Variants in PDLIM3 observed in about 807,000 individuals in gnomAD.
The protein encoded by PDLIM3 is PDZ and LIM domain protein 3.
In PDLIM3, 36 loss-of-function variants were observed where a neutral mutation model predicts 37.3. The ratio of observed to expected loss-of-function variants is 0.97; its 90% CI spans 0.74 to 1.28. The LOEUF is 1.28. Ranked by LOEUF, PDLIM3 falls within the 50% of genes most tolerant of loss-of-function variation. The probability of loss-of-function intolerance (pLI) is 0.00; values close to 1 mark genes in which losing one functional copy is unlikely to be tolerated. For missense variants in PDLIM3, 454 were observed against 485.0 expected (o/e 0.94, Z 0.60); for synonymous variants, 174 against 182.4 (o/e 0.95, Z 0.37).
At chr4:185,513,499 T>G in intron 4 of PDLIM3, 4 of 969,632 alleles carry the variant, frequency 4.1e-6, no homozygotes, top group South Asian at 4.8e-5. Context: ...AAATGTTCTG[T>G]CTAAAGGCAC....
At chr4:185,518,064 A>G (rs1329904985) in intron 3 of PDLIM3, among the ~76,000 whole-genome samples, 1 of 152,242 alleles carries the variant, frequency 6.6e-6, no homozygotes. Context: ...TTCTATCTAG[A>G]AAAAACCACC....
chr4:185,509,808 C>T (rs1016378788), intron 4 of PDLIM3, among the ~76,000 whole-genome samples: 3 of 152,190 alleles, frequency 2.0e-5, no homozygotes, highest in African/African-American at 7.2e-5. Context: ...ATGCTAACTT[C>T]AGCCCATATA....
chr4:185,530,589 T>C (rs564189839), intron 1 of PDLIM3, among the ~76,000 whole-genome samples: 3 of 152,194 alleles, frequency 2.0e-5, no homozygotes, highest in Non-Finnish European at 4.4e-5. Context: ...CCCTGTACAC[T>C]AGCCTCCCCT....
At chr4:185,532,855 G>A (rs1250768593) in intron 1 of PDLIM3, among the ~76,000 whole-genome samples, 1 of 152,198 alleles carries the variant, frequency 6.6e-6, no homozygotes, top group Non-Finnish European at 1.5e-5. Context: ...AGGAAATCTT[G>A]AAGAGGGACA....
intron 4 of PDLIM3, chr4:185,513,413 A>G (rs761618182): frequency 1.3e-5 from 12 of 947,812 alleles, no homozygotes; most frequent in Non-Finnish European, 1.5e-5. Context: ...AGGGGCCAGG[A>G]GGTCACACAT....
In PDLIM3 at chr4:185,501,883, G is replaced by A. The variant is rs1328637528; in HGVS notation, c.*411C>T. On this transcript the variant is annotated 3_prime_UTR_variant, in exon 8 of 8. Transcript: ENST00000284767. ...ATAGTTAAAACACATACAGACAACTGCAGATTATGTTAGAATACAAGATTG... is the reference window on the plus strand; with the variant it reads ...ATAGTTAAAACACATACAGACAACTACAGATTATGTTAGAATACAAGATTG... The A allele has an allele frequency of 6.9e-6, 2 of 289,434 alleles. No individual in the cohort carries two copies. The highest frequency in any genetic ancestry group is 6.7e-6 in the Non-Finnish European group (1 of 149,044). The allele number at this position is 289,434 out of a possible 1,614,324, so 17.9% of individuals were successfully genotyped here. A position where few individuals can be genotyped will look rare whatever the true frequency, so the allele number is the denominator to read the frequency against.
At chr4:185,531,660 G>T (rs989282209) in intron 1 of PDLIM3, among the ~76,000 whole-genome samples, 3 of 152,156 alleles carry the variant, frequency 2.0e-5, no homozygotes, top group East Asian at 1.9e-4. Flanking sequence ...GTGAGGCGGG[G>T]AGTGAAGGGT....
Position 185,514,755 on chromosome 4 carries a change from G to C in PDLIM3, c.331-418C>G. The C allele has an allele frequency of 1.9e-6, 3 of 1,552,110 alleles. No individual in the cohort carries two copies. The highest frequency in any genetic ancestry group is 2.6e-6 in the Non-Finnish European group (3 of 1,147,062). On this transcript the variant is annotated intron_variant, in intron 3 of 7. Coordinates refer to ENST00000284767, the MANE Select transcript of PDLIM3 (RefSeq NM_014476.6). This position sits in a 1 kb window ranked among gnomAD's most constrained non-coding sequence, Gnocchi z 4.0. ...CGCAGCTGTCCGTGAAGCGCATCTT[G>C]TATATTGCTAGTTGAATAGAGCCCA...
chr4:185,523,483 A>G (rs1354729015), intron 2 of PDLIM3, 37 bp from the exon 3 acceptor site: 2 of 1,278,544 alleles, frequency 1.6e-6, no homozygotes, highest in African/African-American at 2.9e-5. Context: ...TTCAAATTCT[A>G]ATGGTACTTT....
At chr4:185,515,690 CA>C (rs998786800) in intron 3 of PDLIM3, 1 of 152,050 alleles carries the variant, frequency 6.6e-6, no homozygotes, top group African/African-American at 2.4e-5. Flanking sequence ...GACCAAACAG[CA>C]GAGTCCTCAA....
chr4:185,513,479 T>A (rs1366153117), intron 4 of PDLIM3: 1 of 955,084 alleles, frequency 1.0e-6, no homozygotes, highest in Admixed American at 6.2e-5. Context: ...TTTGACAAGA[T>A]GGTGAGTTTA....
At chr4:185,524,970 G>T (rs1334822659) in intron 2 of PDLIM3, 50 bp downstream of exon 2, 2 of 1,588,874 alleles carry the variant, frequency 1.3e-6, no homozygotes, top group South Asian at 1.1e-5. Context: ...TTCTGGTTCA[G>T]GTTCTCCTGC....
intron 3 of PDLIM3, chr4:185,516,273 A>T (rs1165211793): frequency 6.6e-6 from 1 of 152,210 alleles, no homozygotes; most frequent in Non-Finnish European, 1.5e-5. Flanking sequence ...CATTCACATC[A>T]ACTTCATTTA....
chr4:185,521,484 C>T (rs193279828), intron 3 of PDLIM3, among the ~76,000 whole-genome samples: 1,155 of 61,306 alleles, frequency 0.019, 460 homozygotes, highest in Middle Eastern at 0.14. Context: ...GCAGCCTCGA[C>T]ATCCTGGGCT....
chr4:185,535,254 C>T lies in PDLIM3; in HGVS notation c.93+88G>A, dbSNP rs1000523172. Reference sequence around the variant, plus strand: ...CGCCCGCCCTCGCGCGCTTTCTGGCCGCCCTCGGCCCCGGGGCATCCACTG... The same window carrying T: ...CGCCCGCCCTCGCGCGCTTTCTGGCTGCCCTCGGCCCCGGGGCATCCACTG... On this transcript the variant is annotated intron_variant, in intron 1 of 7. Coordinates refer to ENST00000284767, the MANE Select transcript of PDLIM3 (RefSeq NM_014476.6). 4.9e-6 allele frequency: 6 copies of T among 1,236,202 alleles called. No homozygotes were observed. In the African/African-American group the frequency reaches 7.9e-5, roughly 16 times the overall value. 76.6% of individuals were successfully genotyped at this position (1,236,202 alleles called of 1,614,324 possible). A position where few individuals can be genotyped will look rare whatever the true frequency, so the allele number is the denominator to read the frequency against.
Position 185,508,676 on chromosome 4 carries a change from G to C in PDLIM3, c.399-114C>G, listed in dbSNP as rs2095701962. 3 of 1,003,904 alleles carry C rather than the reference G, an allele frequency of 3.0e-6. No individual in the cohort carries two copies. The African/African-American group carries it at 4.7e-5, about 16-fold the overall frequency. 62.2% of individuals were successfully genotyped at this position (1,003,904 alleles called of 1,614,324 possible). On this transcript the variant is annotated intron_variant, in intron 4 of 7. Transcript: ENST00000284767. ...TAAAAGGAATTGAAGACAAAAGTGA[G>C]AGGTGAATTACATCAAAATAAAACC...
intron 4 of PDLIM3, chr4:185,513,383 TC>T (rs1178933477): frequency 8.1e-6 from 8 of 982,360 alleles, no homozygotes; most frequent in Non-Finnish European, 9.7e-6. Context: ...ATGACAGGAG[TC>T]ATAAGCTCGG....
rs1325654480 is a variant in PDLIM3, at chr4:185,514,652, C to T, written c.331-315G>A. On this transcript the variant is annotated intron_variant, in intron 3 of 7. Transcript: ENST00000284767. The surrounding 1 kb of genome is among the most constrained non-coding windows in gnomAD (Gnocchi z 4.0). ...CTGGACTTTTGAAAAGAAAAGAAAC[C>T]ATGCTATCACTGTTAGGTACACTGT... is the stretch of plus-strand genomic sequence containing the variant. 6 of 1,465,386 alleles carry T rather than the reference C, an allele frequency of 4.1e-6. No homozygotes were observed. The highest frequency in any genetic ancestry group is 5.1e-5 in the Admixed American group (2 of 39,108). 90.8% of individuals were successfully genotyped at this position (1,465,386 alleles called of 1,614,324 possible). A position where few individuals can be genotyped will look rare whatever the true frequency, so the allele number is the denominator to read the frequency against.
At chr4:185,533,257 A>T (rs1410013059) in intron 1 of PDLIM3, among the ~76,000 whole-genome samples, 1 of 152,180 alleles carries the variant, frequency 6.6e-6, no homozygotes, top group Non-Finnish European at 1.5e-5. Context: ...TTAAAATGTT[A>T]AAAGCAGTAC....
Sources: allele counts gnomAD v4.1 joint callset (sites outside exome capture counted in the v4.1 genomes callset), GRCh38; gene constraint gnomAD v4.1.1; non-coding constraint Gnocchi (gnomAD v3.1); transcripts MANE v1.5; gene names NCBI Gene and HGNC (gene_info 2026-07-23, HGNC 2026-07-21).